The following ST3GAL3 variants were observed in gnomAD, a reference collection of about 807,000 sequenced individuals.
The protein encoded by ST3GAL3 is ST3 beta-galactoside alpha-2,3-sialyltransferase 3.
A neutral mutation model predicts 50.1 loss-of-function variants in ST3GAL3; 21 were observed. The ratio of observed to expected loss-of-function variants is 0.42; its 90% CI spans 0.30 to 0.60. ST3GAL3 has a LOEUF of 0.60. Ranked by LOEUF, ST3GAL3 falls within the 20% of genes least tolerant of loss-of-function variation. The probability of loss-of-function intolerance (pLI) is 0.19; values close to 1 mark genes in which losing one functional copy is unlikely to be tolerated. For missense variants in ST3GAL3, 353 were observed against 489.4 expected, an observed-to-expected ratio of 0.72 and a Z score of 2.63; for synonymous variants, 183 against 190.0, an observed-to-expected ratio of 0.96 and a Z score of 0.30.
chr1:43,808,277 C>T (rs1441026515), intron 3 of ST3GAL3, among the ~76,000 whole-genome samples: 2 of 149,196 alleles, frequency 1.3e-5, no homozygotes, highest in South Asian at 2.1e-4. Flanking sequence ...GCACTCCAGC[C>T]CAGGCGACAG....
chr1:43,719,730 G>T (rs1304656685), intron 1 of ST3GAL3, among the ~76,000 whole-genome samples: 1 of 148,490 alleles, frequency 6.7e-6, no homozygotes, highest in African/African-American at 2.4e-5. Context: ...GTCAGGAGTT[G>T]GAGACCAGCC....
intron 1 of ST3GAL3, among the ~76,000 whole-genome samples, chr1:43,730,844 G>C (rs1276068534): frequency 1.3e-5 from 2 of 151,790 alleles, no homozygotes; most frequent in Non-Finnish European, 2.9e-5. Context: ...ACCATGCCTA[G>C]CCATCAAGTC....
chr1:43,770,033 A>AC (rs1694480444), intron 2 of ST3GAL3, among the ~76,000 whole-genome samples: 1 of 152,178 alleles, frequency 6.6e-6, no homozygotes, highest in South Asian at 2.1e-4. Context: ...AATTTAAACT[A>AC]TAACTTGAAC....
chr1:43,766,386 G>C (rs1406640543), intron 2 of ST3GAL3, among the ~76,000 whole-genome samples: 2 of 152,050 alleles, frequency 1.3e-5, no homozygotes, highest in Non-Finnish European at 2.9e-5. Flanking sequence ...AAGTGTTTCA[G>C]AGACAACAAA....
chr1:43,930,549 T>A lies in ST3GAL3; in HGVS notation c.*328T>A, dbSNP rs2084883077. The A allele has an allele frequency of 4.5e-6, 2 of 444,284 alleles. No homozygotes were observed. Among genetic ancestry groups the A allele is most frequent in the African/African-American group, 4.0e-5 (2 of 50,094 alleles). The allele number at this position is 444,284 out of a possible 1,614,324, so 27.5% of individuals were successfully genotyped here. A position where few individuals can be genotyped will look rare whatever the true frequency, so the allele number is the denominator to read the frequency against. On this transcript the variant is annotated 3_prime_UTR_variant, in exon 12 of 12. Transcript: ENST00000347631. ...ATCAGTGTTTGGTGTATTATCATTT[T>A]GTGAATTTGGGTAGGGGGGAGGGTA...
At position 43,920,783 on chromosome 1, in the gene ST3GAL3, A is replaced by C. The variant is rs2154295251; in HGVS notation, c.893A>C (p.Asn298Thr). 6.2e-7 allele frequency: 1 copy of C among 1,614,118 alleles called. No homozygotes were observed. ...PFNNGLMGRGNIPTLGSVAVT... is the reference protein window; with the variant it reads ...PFNNGLMGRGTIPTLGSVAVT... ...CTCACCCCTGCCCCCGTCTTCTAGA[A>C]CATCCCTACCCTTGGCAGTGTGGCA... Residue 298 changes from asparagine (N) to threonine (T), a missense_variant and splice_region_variant, in exon 11 of 12, where the codon AAC (asparagine) becomes ACC (threonine). Transcript: ENST00000347631.
intron 2 of ST3GAL3, among the ~76,000 whole-genome samples, chr1:43,756,851 C>T (rs1688307210): frequency 6.6e-6 from 1 of 152,168 alleles, no homozygotes; most frequent in Non-Finnish European, 1.5e-5. Context: ...TTGAAATCGA[C>T]ATACCATGTT....
rs1468579753 is a variant in ST3GAL3, at chr1:43,815,898, G to GATGA, written c.209+968_209+969insAATG. Among the ~76,000 whole-genome samples the GATGA allele has an allele frequency of 9.4e-4, 143 of 151,720 alleles. 2 individuals are homozygous for GATGA. Among genetic ancestry groups the GATGA allele is most frequent in the Non-Finnish European group, 2.8e-4 (19 of 67,920 alleles). On this transcript the variant is annotated intron_variant, in intron 4 of 11. Coordinates refer to ENST00000347631, the MANE Select transcript of ST3GAL3 (RefSeq NM_006279.5). ...GAATGCTTGGTTGGATGGATGGATG[G>GATGA]ATGGATGGATGGATGGATGGATGGA... is the stretch of plus-strand genomic sequence containing the variant.
At chr1:43,773,685 C>A (rs918625492) in intron 2 of ST3GAL3, among the ~76,000 whole-genome samples, 2 of 152,132 alleles carry the variant, frequency 1.3e-5, no homozygotes, top group African/African-American at 4.8e-5. Context: ...CCTGAAAAAA[C>A]AAAGTTTTTC....
chr1:43,788,861 A>G (rs1329906601), intron 2 of ST3GAL3, among the ~76,000 whole-genome samples: 1 of 152,078 alleles, frequency 6.6e-6, no homozygotes, highest in African/African-American at 2.4e-5. Flanking sequence ...TGGCCTAAAG[A>G]AGTAAGTGAG....
At chr1:43,858,300 C>G (rs1244133470) in intron 5 of ST3GAL3, 1 of 1,277,140 alleles carries the variant, frequency 7.8e-7, no homozygotes, top group African/African-American at 1.5e-5. Flanking sequence ...CTGAACTATG[C>G]TGGGAAAGGT....
intron 1 of ST3GAL3, among the ~76,000 whole-genome samples, chr1:43,733,881 C>T (rs1374406135): frequency 1.3e-5 from 2 of 152,144 alleles, no homozygotes; most frequent in African/African-American, 2.4e-5. Flanking sequence ...TTTGGGAGGC[C>T]GAGGTGGGTG....
At chr1:43,718,469 G>A (rs1197886121) in intron 1 of ST3GAL3, among the ~76,000 whole-genome samples, 3 of 151,766 alleles carry the variant, frequency 2.0e-5, no homozygotes, top group Non-Finnish European at 2.9e-5. Flanking sequence ...GATTACAGGC[G>A]TGAGCCACTG....
chr1:43,923,022 G>A (rs1169649888), intron 11 of ST3GAL3, among the ~76,000 whole-genome samples: 3 of 151,932 alleles, frequency 2.0e-5, no homozygotes, highest in Non-Finnish European at 4.4e-5. Context: ...CCAGGAGGTG[G>A]AGCTTGCAGT....
intron 1 of ST3GAL3, among the ~76,000 whole-genome samples, chr1:43,734,839 T>G (rs1458443747): frequency 6.6e-6 from 1 of 152,182 alleles, no homozygotes; most frequent in Non-Finnish European, 1.5e-5. Flanking sequence ...GTCATTGTAA[T>G]TTTGTGGCTG....
chr1:43,887,136 G>T (rs566923046), intron 5 of ST3GAL3, among the ~76,000 whole-genome samples: 31 of 152,304 alleles, frequency 2.0e-4, no homozygotes, highest in African/African-American at 7.2e-4. Flanking sequence ...TTTATGGAGA[G>T]TAGAGAATGT....
chr1:43,919,100 CAG>C (rs2082604287), intron 9 of ST3GAL3: 1 of 18,150 alleles, frequency 5.5e-5, no homozygotes, highest in African/African-American at 8.0e-5. Context: ...TTTTTTGAGA[CAG>C]AGTCTCGCTC....
At chr1:43,858,513 T>G (rs2069073246) in intron 5 of ST3GAL3, among the ~76,000 whole-genome samples, 1 of 152,188 alleles carries the variant, frequency 6.6e-6, no homozygotes, top group African/African-American at 2.4e-5. Context: ...TTGGTTCAGG[T>G]ACAAGATCCC....
Position 43,875,911 on chromosome 1 carries a change from C to A in ST3GAL3, c.303-18472C>A, listed in dbSNP as rs1446096294. On this transcript the variant is annotated intron_variant, in intron 5 of 11. Coordinates refer to ENST00000347631, the MANE Select transcript of ST3GAL3 (RefSeq NM_006279.5). The stretch of plus-strand genomic sequence containing the variant: ...CTTTAGAATTTCTCTTCTTCTTCTT[C>A]TTCTTCTTCTTCTTCTTCTTCTTCT... 5.7e-5 allele frequency among the ~76,000 whole-genome samples: 3 copies of A among 52,942 alleles called. No individual in the cohort carries two copies. In the South Asian group the frequency reaches 1.9e-3, roughly 34 times the overall value. 34.7% of individuals were successfully genotyped at this position (52,942 alleles called of 152,430 possible).
Sources: allele counts gnomAD v4.1 joint callset (sites outside exome capture counted in the v4.1 genomes callset), GRCh38; gene constraint gnomAD v4.1.1; transcripts MANE v1.5; gene names NCBI Gene and HGNC (gene_info 2026-07-23, HGNC 2026-07-21).